NFIB: variants seen among roughly 807,000 people sequenced by gnomAD.
NFIB encodes the protein nuclear factor 1 B-type.
NFIB carries 11 observed loss-of-function variants against 61.5 expected under a neutral mutation model. That is an observed-to-expected ratio of 0.18 (90% CI 0.11 to 0.30). The LOEUF is 0.30. NFIB is among the 10% of genes least tolerant of loss of function. The probability of loss-of-function intolerance (pLI) is 1.00; values close to 1 mark genes in which losing one functional copy is unlikely to be tolerated. For synonymous variants in NFIB, 260 were observed against 216.5 expected (o/e 1.20, Z -1.76); for missense variants, 471 against 608.9 (o/e 0.77, Z 2.38).
At position 14,215,632 on chromosome 9, in the gene NFIB, CAGATAA is replaced by C. The variant is rs571638614; in HGVS notation, c.563-35858_563-35853del. Among the ~76,000 whole-genome samples the C allele has an allele frequency of 6.7e-3, 1,026 of 152,260 alleles. 5 individuals are homozygous for C. Among genetic ancestry groups the C allele is most frequent in the Non-Finnish European group, 8.0e-3 (546 of 68,008 alleles). On this transcript the variant is annotated intron_variant, in intron 2 of 10. Coordinates refer to ENST00000380953, the MANE Select transcript of NFIB (RefSeq NM_001190737.2). ...TTTACAAAGATTATTCTCAAGAAGTCAGATAAAGATAAAGATGCCCCATTTGTTAAC... is the reference window on the plus strand; with the variant it reads ...TTTACAAAGATTATTCTCAAGAAGTCAGATAAAGATGCCCCATTTGTTAAC...
chr9:14,208,092 G>C (rs1393280842), intron 2 of NFIB, among the ~76,000 whole-genome samples: 1 of 152,154 alleles, frequency 6.6e-6, no homozygotes, highest in Admixed American at 6.5e-5. Flanking sequence ...TCCCTAAATA[G>C]TTTTATACCC....
intron 2 of NFIB, chr9:14,180,826 G>T (rs146683717): frequency 6.6e-6 from 1 of 152,148 alleles, no homozygotes; most frequent in African/African-American, 2.4e-5. Flanking sequence ...AGTAAACGCC[G>T]GAGGAATGGA....
the NFIB span, among the ~76,000 whole-genome samples, chr9:14,457,301 C>A: frequency 6.6e-6 from 1 of 152,104 alleles, no homozygotes; most frequent in African/African-American, 2.4e-5. Context: ...TAATATATTA[C>A]CTATTTACAA....
intron 1 of NFIB, among the ~76,000 whole-genome samples, chr9:14,389,544 A>T (rs1389584279): frequency 6.6e-6 from 1 of 152,234 alleles, no homozygotes; most frequent in Non-Finnish European, 1.5e-5. Flanking sequence ...AGCAGAAATT[A>T]AAGTAACTTG....
chr9:14,161,310 AAT>A (rs1386973410), intron 3 of NFIB, among the ~76,000 whole-genome samples: 2 of 152,132 alleles, frequency 1.3e-5, no homozygotes, highest in African/African-American at 4.8e-5. Flanking sequence ...ACAGAGATTA[AAT>A]CTCAGCCTAT....
chr9:14,362,383 T>A (rs1012248626), intron 1 of NFIB: 1 of 152,184 alleles, frequency 6.6e-6, no homozygotes, highest in African/African-American at 2.4e-5. Flanking sequence ...GAACTGGGTG[T>A]CTGCCACTGT....
At chr9:14,233,304 G>A (rs1203635571) in intron 2 of NFIB, among the ~76,000 whole-genome samples, 2 of 151,854 alleles carry the variant, frequency 1.3e-5, no homozygotes, top group African/African-American at 4.8e-5. Context: ...ATTTTCAGAT[G>A]TGAAGGAATT....
chr9:14,276,442 G>A (rs1247557925), intron 2 of NFIB, among the ~76,000 whole-genome samples: 1 of 152,144 alleles, frequency 6.6e-6, no homozygotes, highest in Admixed American at 6.5e-5. Flanking sequence ...ATGACCTTCA[G>A]AGCAATATGG....
At chr9:14,088,373 A>C in intron 10 of NFIB, 47 bp from the exon 11 acceptor site, 1 of 1,478,262 alleles carries the variant, frequency 6.8e-7, no homozygotes, top group Non-Finnish European at 9.1e-7. Flanking sequence ...AAAGAAAAAA[A>C]TACAATGTTA....
chr9:14,518,487 A>C, the NFIB span, among the ~76,000 whole-genome samples: 1 of 151,846 alleles, frequency 6.6e-6, no homozygotes, highest in African/African-American at 2.4e-5. Flanking sequence ...CTGTCATCAT[A>C]ATCTAGTATC....
At chr9:14,128,716 T>C (rs1486020349) in intron 6 of NFIB, among the ~76,000 whole-genome samples, 1 of 148,414 alleles carries the variant, frequency 6.7e-6, no homozygotes, top group Non-Finnish European at 1.5e-5. Flanking sequence ...AAAAAAAAAT[T>C]AATGTGACCA....
chr9:14,454,807 T>A, the NFIB span, among the ~76,000 whole-genome samples: 1 of 152,142 alleles, frequency 6.6e-6, no homozygotes, highest in Admixed American at 6.6e-5. Context: ...ACCAATAAAA[T>A]ATAAGTGGAA....
At chr9:14,322,981 G>T (rs1402676456) in intron 1 of NFIB, among the ~76,000 whole-genome samples, 1 of 152,222 alleles carries the variant, frequency 6.6e-6, no homozygotes, top group Non-Finnish European at 1.5e-5. Flanking sequence ...GGCCGAAAAC[G>T]CCGCGGAAAG....
chr9:14,246,965 A>ATC (rs148026880), intron 2 of NFIB, among the ~76,000 whole-genome samples: 19 of 150,654 alleles, frequency 1.3e-4, no homozygotes, highest in East Asian at 3.9e-4. Flanking sequence ...AATGTGCCTG[A>ATC]TCTCTCTCTC....
the NFIB span, among the ~76,000 whole-genome samples, chr9:14,520,637 A>G: frequency 0.01 from 1,534 of 152,346 alleles, 13 homozygotes; most frequent in Non-Finnish European, 0.015. Context: ...TTCTGTGCAG[A>G]TATTAAATTT....
the NFIB span, among the ~76,000 whole-genome samples, chr9:14,508,512 C>G: frequency 6.6e-6 from 1 of 152,218 alleles, no homozygotes; most frequent in African/African-American, 2.4e-5. Context: ...CAGTCTAGAA[C>G]TGACATCAAT....
chr9:14,210,299 C>T (rs2131717016), intron 2 of NFIB, among the ~76,000 whole-genome samples: 1 of 114,910 alleles, frequency 8.7e-6, no homozygotes, highest in South Asian at 3.2e-4. Context: ...GTATTTAAAA[C>T]ATTTTTTGTG....
At chr9:14,445,627 G>C in the NFIB span, among the ~76,000 whole-genome samples, 220 of 152,118 alleles carry the variant, frequency 1.4e-3, no homozygotes, top group Non-Finnish European at 2.5e-3. Context: ...AAATTTACAA[G>C]TTTTAATTTT....
upstream of NFIB, chr9:14,314,332 C>G (rs1588287885): frequency 2.2e-5 from 4 of 177,822 alleles, no homozygotes; most frequent in South Asian, 3.6e-4. Flanking sequence ...CGGCCGCCCG[C>G]CCGCCCGCCT....
Sources: gnomAD v4.1 joint callset for allele counts (sites outside exome capture counted in the v4.1 genomes callset) on GRCh38, gnomAD v4.1.1 for gene constraint, MANE v1.5 for transcripts, NCBI Gene and HGNC (gene_info 2026-07-23, HGNC 2026-07-21) for gene names.